Variants in FBXL2 observed in about 807,000 individuals in gnomAD.
The protein encoded by FBXL2 is F-box and leucine rich repeat protein 2.
A neutral mutation model predicts 69.2 loss-of-function variants in FBXL2; 38 were observed. That is an observed-to-expected ratio of 0.55 (90% confidence interval 0.42 to 0.72). The LOEUF (loss-of-function observed/expected upper bound fraction) is 0.72, where lower values mean the gene tolerates loss of function less well. FBXL2 is among the 30% of genes least tolerant of loss of function. The probability of loss-of-function intolerance (pLI) is 0.00; values close to 1 mark genes in which losing one functional copy is unlikely to be tolerated. For missense variants in FBXL2, 354 were observed against 520.3 expected, an observed-to-expected ratio of 0.68 and a Z score of 3.11; for synonymous variants, 192 against 201.3, an observed-to-expected ratio of 0.95 and a Z score of 0.39.
intron 2 of FBXL2, among the ~76,000 whole-genome samples, chr3:33,354,429 G>A (rs1207439230): frequency 6.6e-6 from 1 of 151,790 alleles, no homozygotes; most frequent in Non-Finnish European, 1.5e-5. Context: ...CAGGAGAATT[G>A]CTTGAACCTG....
intron 1 of FBXL2, among the ~76,000 whole-genome samples, chr3:33,290,236 A>G (rs2035083145): frequency 6.6e-6 from 1 of 152,236 alleles, no homozygotes; most frequent in African/African-American, 2.4e-5. Flanking sequence ...TTATAAGGCA[A>G]TCATGGACTA....
intron 1 of FBXL2, among the ~76,000 whole-genome samples, chr3:33,279,302 GCT>G (rs371095022): frequency 3.0e-3 from 458 of 150,262 alleles, no homozygotes; most frequent in Non-Finnish European, 5.1e-3. Flanking sequence ...ACGGAGTCTC[GCT>G]CTGTCGCCCA....
At chr3:33,366,964 C>A (rs1478047904) in intron 5 of FBXL2, among the ~76,000 whole-genome samples, 1 of 152,072 alleles carries the variant, frequency 6.6e-6, no homozygotes, top group African/African-American at 2.4e-5. Context: ...AATAAAAAAA[C>A]AATTTTAAAA....
At chr3:33,394,429 C>T (rs965968717) in intron 12 of FBXL2, among the ~76,000 whole-genome samples, 1 of 151,962 alleles carries the variant, frequency 6.6e-6, no homozygotes, top group African/African-American at 2.4e-5. Context: ...GCCCCTCCCC[C>T]ACAAAAAATT....
Position 33,370,976 on chromosome 3 carries a change from A to G in FBXL2, c.291-2116A>G, listed in dbSNP as rs183576817. Among the ~76,000 whole-genome samples the G allele has an allele frequency of 2.6e-5, 4 of 152,034 alleles. No individual in the cohort carries two copies. The East Asian group carries it at 5.8e-4, about 22-fold the overall frequency. On this transcript the variant is annotated intron_variant, in intron 5 of 14. Coordinates refer to ENST00000484457, the MANE Select transcript of FBXL2 (RefSeq NM_012157.5). ...CTGTCTCTCTTATTTAGTGATTCCA[A>G]TCGCATGTATATTAGGTTGCTTGAA... is the stretch of plus-strand genomic sequence containing the variant.
Position 33,378,752 on chromosome 3 carries a change from GT to G in FBXL2, c.951+16del. Reference sequence around the variant, plus strand: ...AAACTGCAAGCCCTGGTGAGTCTGAGTTTTTCTGACATTATTCACCTGTTAA... The same window carrying G: ...AAACTGCAAGCCCTGGTGAGTCTGAGTTTTCTGACATTATTCACCTGTTAA... On this transcript the variant is annotated intron_variant, in intron 13 of 14. Transcript: ENST00000484457. 1 of 1,614,048 alleles carries G rather than the reference GT, an allele frequency of 6.2e-7. No homozygotes were observed. Among genetic ancestry groups the G allele is most frequent in the Non-Finnish European group, 8.5e-7 (1 of 1,179,998 alleles).
At chr3:33,366,412 A>G (rs2041953344) in intron 5 of FBXL2, among the ~76,000 whole-genome samples, 1 of 152,058 alleles carries the variant, frequency 6.6e-6, no homozygotes, top group Non-Finnish European at 1.5e-5. Flanking sequence ...GACATCTATA[A>G]CCCCAGTGCT....
Position 33,383,989 on chromosome 3 carries a change from A to G in FBXL2, c.952A>G (p.Ser318Gly), listed in dbSNP as rs1231270348. The G allele has an allele frequency of 1.2e-6, 2 of 1,613,896 alleles. No individual in the cohort carries two copies. The highest frequency in any genetic ancestry group is 3.3e-5 in the Admixed American group (2 of 60,018). The change falls in exon 14 of 15, where the codon AGC becomes GGC. Residue 318 changes from serine to glycine, a missense_variant and splice_region_variant. Coordinates refer to ENST00000484457, the MANE Select transcript of FBXL2 (RefSeq NM_012157.5). ...SIHCPKLQAL[S>G]LSHCELITDD... is the part of the protein sequence containing the mutation. ...ATTTACTCATGTCTTCCTGTTCCAG[A>G]GCCTGTCCCACTGTGAACTCATCAC...
intron 5 of FBXL2, among the ~76,000 whole-genome samples, chr3:33,364,979 A>G (rs776009954): frequency 5.3e-5 from 8 of 152,164 alleles, no homozygotes; most frequent in Non-Finnish European, 8.8e-5. Flanking sequence ...CAGGGCAGCT[A>G]TAGCTCCCAC....
At chr3:33,411,573 A>C in the FBXL2 span, 1 of 1,613,596 alleles carries the variant, frequency 6.2e-7, no homozygotes, top group Non-Finnish European at 8.5e-7. Context: ...TAATGTAAAA[A>C]TCCAAACCTG....
chr3:33,396,915 A>G, intron 12 of FBXL2: 1 of 830,828 alleles, frequency 1.2e-6, no homozygotes, highest in Non-Finnish European at 2.0e-6. Context: ...TTGTGAGCAC[A>G]ATGCTGCCAA....
chr3:33,309,369 T>C (rs1489337058), intron 2 of FBXL2, among the ~76,000 whole-genome samples: 1 of 152,224 alleles, frequency 6.6e-6, no homozygotes, highest in African/African-American at 2.4e-5. Flanking sequence ...ATAATCACTT[T>C]GTCTCTTTTT....
At position 33,293,769 on chromosome 3, in the gene FBXL2, C is replaced by G. The variant is rs1575100367; in HGVS notation, c.4-3895C>G. Reference sequence around the variant, plus strand: ...GGTTTTCATGTCATTCACCACTAACCCCAGCATCAGTTGGAGACTTCAGTA... The same window carrying G: ...GGTTTTCATGTCATTCACCACTAACGCCAGCATCAGTTGGAGACTTCAGTA... On this transcript the variant is annotated intron_variant, in intron 1 of 14. Transcript: ENST00000484457. Among the ~76,000 whole-genome samples, 4 of 152,188 alleles carry G rather than the reference C, an allele frequency of 2.6e-5. No individual in the cohort carries two copies. The South Asian group carries it at 8.3e-4, about 32-fold the overall frequency.
chr3:33,408,023 G>C (rs1473566456), downstream of FBXL2, among the ~76,000 whole-genome samples: 1 of 152,198 alleles, frequency 6.6e-6, no homozygotes, highest in African/African-American at 2.4e-5. Flanking sequence ...CATATTGGGG[G>C]CGGCCCAGGT....
intron 4 of FBXL2, among the ~76,000 whole-genome samples, chr3:33,359,899 G>A (rs772846328): frequency 7.5e-4 from 114 of 152,190 alleles, no homozygotes; most frequent in Middle Eastern, 6.8e-3. Context: ...ATATTTATCT[G>A]TAAATATGTA....
intron 1 of FBXL2, among the ~76,000 whole-genome samples, chr3:33,279,766 AC>A (rs2033767609): frequency 6.6e-6 from 1 of 152,224 alleles, no homozygotes; most frequent in Non-Finnish European, 1.5e-5. Context: ...CATAGTTATT[AC>A]TATAGAGGCA....
chr3:33,282,915 T>C (rs999621805), intron 1 of FBXL2, among the ~76,000 whole-genome samples: 21 of 152,380 alleles, frequency 1.4e-4, no homozygotes, highest in African/African-American at 5.0e-4. Context: ...GAGACTTTGC[T>C]GAAGTGGCTT....
intron 9 of FBXL2, among the ~76,000 whole-genome samples, chr3:33,375,064 T>G (rs574448928): frequency 4.7e-4 from 72 of 152,360 alleles, no homozygotes; most frequent in Middle Eastern, 3.4e-3. Flanking sequence ...TTTACTTTAT[T>G]TTTTCCTGGA....
intron 2 of FBXL2, among the ~76,000 whole-genome samples, chr3:33,323,729 T>C (rs1177110063): frequency 1.3e-5 from 2 of 152,194 alleles, no homozygotes; most frequent in Non-Finnish European, 2.9e-5. Context: ...TTGGGTTGGT[T>C]CCAAGTCTTT....
Sources: allele counts gnomAD v4.1 joint callset (sites outside exome capture counted in the v4.1 genomes callset), GRCh38; gene constraint gnomAD v4.1.1; transcripts MANE v1.5; gene names NCBI Gene and HGNC (gene_info 2026-07-23, HGNC 2026-07-21).